Variants in SLC2A13 observed in about 807,000 individuals in gnomAD.
SLC2A13 encodes the protein proton myo-inositol cotransporter.
SLC2A13 carries 32 observed loss-of-function variants against 64.4 expected under a neutral mutation model. That is an observed-to-expected ratio of 0.50 (90% confidence interval 0.37 to 0.67). The LOEUF (loss-of-function observed/expected upper bound fraction) is 0.67, where lower values mean the gene tolerates loss of function less well. SLC2A13 is among the 30% of genes least tolerant of loss of function. SLC2A13 has a pLI of 0.00. For synonymous variants in SLC2A13, 338 were observed against 327.1 expected (o/e 1.03, Z -0.36); for missense variants, 743 against 829.2 (o/e 0.90, Z 1.28).
intron 3 of SLC2A13, among the ~76,000 whole-genome samples, chr12:40,006,664 A>G (rs529366610): frequency 2.6e-4 from 39 of 152,214 alleles, no homozygotes; most frequent in Admixed American, 6.5e-4. Flanking sequence ...GAAGGTCTCC[A>G]TATCAGAAGT....
At chr12:40,057,085 G>C (rs1948344228) in intron 1 of SLC2A13, among the ~76,000 whole-genome samples, 1 of 152,098 alleles carries the variant, frequency 6.6e-6, no homozygotes, top group Admixed American at 6.5e-5. Context: ...GAAATGAGTA[G>C]CATAAGGAAG....
intron 7 of SLC2A13, among the ~76,000 whole-genome samples, chr12:39,820,171 C>T (rs561545892): frequency 6.6e-6 from 1 of 152,114 alleles, no homozygotes; most frequent in South Asian, 2.1e-4. Context: ...GAAACATGTG[C>T]CTCTGAAATG....
chr12:39,962,595 C>G (rs1472928428), intron 3 of SLC2A13, among the ~76,000 whole-genome samples: 1 of 152,206 alleles, frequency 6.6e-6, no homozygotes, highest in African/African-American at 2.4e-5. Flanking sequence ...AAAGGACAGA[C>G]ACACTTGACT....
At chr12:39,901,843 T>C (rs1476553103) in intron 4 of SLC2A13, among the ~76,000 whole-genome samples, 21 of 148,516 alleles carry the variant, frequency 1.4e-4, no homozygotes, top group Non-Finnish European at 2.4e-4. Context: ...CATTACTGGG[T>C]ATATACCCAA....
intron 3 of SLC2A13, among the ~76,000 whole-genome samples, chr12:39,969,663 T>C (rs1946604406): frequency 6.6e-6 from 1 of 152,250 alleles, no homozygotes; most frequent in African/African-American, 2.4e-5. Context: ...TTTTTTCTTG[T>C]AAATTTGTTG....
At chr12:39,928,752 A>G (rs181961369) in intron 4 of SLC2A13, among the ~76,000 whole-genome samples, 1 of 152,302 alleles carries the variant, frequency 6.6e-6, no homozygotes. Flanking sequence ...TGGACAGTGG[A>G]AAGAGGATAG....
intron 4 of SLC2A13, among the ~76,000 whole-genome samples, chr12:39,877,289 T>A (rs113336743): frequency 2.6e-5 from 4 of 152,060 alleles, no homozygotes; most frequent in Non-Finnish European, 5.9e-5. Flanking sequence ...AGAGCAAAGG[T>A]ATGTCTTACA....
intron 7 of SLC2A13, among the ~76,000 whole-genome samples, chr12:39,778,826 A>C (rs751325687): frequency 3.3e-5 from 5 of 152,176 alleles, no homozygotes; most frequent in Non-Finnish European, 7.3e-5. Flanking sequence ...GCAACACAAA[A>C]CCATTTAGCA....
intron 3 of SLC2A13, among the ~76,000 whole-genome samples, chr12:39,980,552 C>G (rs1355683599): frequency 6.6e-6 from 1 of 151,500 alleles, no homozygotes. Flanking sequence ...GACTTTAAAC[C>G]AACAAAGATC....
Position 39,918,938 on chromosome 12 carries a change from G to GCA in SLC2A13, c.1034+32317_1034+32318dup, listed in dbSNP as rs567663354. On this transcript the variant is annotated intron_variant, in intron 4 of 9. Coordinates refer to ENST00000280871, the MANE Select transcript of SLC2A13 (RefSeq NM_052885.4). The stretch of plus-strand genomic sequence containing the variant: ...CTAGATCATTTCAGGTTATACACGC[G>GCA]CACACACACACACACACACGTGTGT... Among the ~76,000 whole-genome samples the GCA allele has an allele frequency of 2.2e-3, 326 of 149,820 alleles. 3 individuals are homozygous for GCA. The highest frequency in any genetic ancestry group is 0.019 in the South Asian group (88 of 4,750).
intron 6 of SLC2A13, among the ~76,000 whole-genome samples, chr12:39,861,764 A>G (rs1276843319): frequency 5.3e-5 from 8 of 152,212 alleles, no homozygotes; most frequent in Admixed American, 4.6e-4. Flanking sequence ...CTGGGACCCT[A>G]TGACAGCTTT....
At position 40,026,253 on chromosome 12, in the gene SLC2A13, T is replaced by C. The variant is rs979859346; in HGVS notation, c.925+2048A>G. On this transcript the variant is annotated intron_variant, in intron 3 of 9. Transcript: ENST00000280871. ...TATTAGTTCCAAAGTTTAGAATATT[T>C]ACTCAAGCATGAGCAAACGTTATTA... 4.6e-5 allele frequency among the ~76,000 whole-genome samples: 7 copies of C among 152,350 alleles called. No individual in the cohort carries two copies. The East Asian group carries it at 1.2e-3, about 25-fold the overall frequency.
intron 4 of SLC2A13, among the ~76,000 whole-genome samples, chr12:39,940,562 G>T (rs1565552510): frequency 6.6e-6 from 1 of 152,128 alleles, no homozygotes; most frequent in East Asian, 1.9e-4. Flanking sequence ...AGGAACTCTA[G>T]ATCAGGATAT....
intron 7 of SLC2A13, among the ~76,000 whole-genome samples, chr12:39,818,271 C>T (rs1942394789): frequency 6.7e-6 from 1 of 150,104 alleles, no homozygotes; most frequent in Non-Finnish European, 1.5e-5. Context: ...TCTGTGAAGT[C>T]ACAGGAAAAA....
chr12:39,966,162 G>A (rs1946510494), intron 3 of SLC2A13, among the ~76,000 whole-genome samples: 1 of 151,628 alleles, frequency 6.6e-6, no homozygotes, highest in Admixed American at 6.6e-5. Context: ...GGTGGGGTAT[G>A]TGTGTGTAGA....
intron 1 of SLC2A13, among the ~76,000 whole-genome samples, chr12:40,104,581 T>C (rs1420891933): frequency 6.6e-6 from 1 of 151,738 alleles, no homozygotes; most frequent in Non-Finnish European, 1.5e-5. Flanking sequence ...GGAGAATGGA[T>C]AAAAAAGGAT....
rs1450547426 is a variant in SLC2A13, at chr12:39,756,339, T to C, written c.*3687A>G. 1.3e-5 allele frequency: 2 copies of C among 151,938 alleles called. No homozygotes were observed. Among genetic ancestry groups the C allele is most frequent in the Non-Finnish European group, 3.0e-5 (2 of 67,774 alleles). 9.4% of individuals were successfully genotyped at this position (151,938 alleles called of 1,614,324 possible). On this transcript the variant is annotated 3_prime_UTR_variant, in exon 10 of 10. Coordinates refer to ENST00000280871, the MANE Select transcript of SLC2A13 (RefSeq NM_052885.4). ...TCATAGATACTGAAAAGGTCTTAATTTGGTAATTAAAAACTTGTCACAACA... is the reference window on the plus strand; with the variant it reads ...TCATAGATACTGAAAAGGTCTTAATCTGGTAATTAAAAACTTGTCACAACA...
At chr12:39,896,380 G>A (rs970675910) in intron 4 of SLC2A13, among the ~76,000 whole-genome samples, 5 of 134,424 alleles carry the variant, frequency 3.7e-5, no homozygotes, top group African/African-American at 6.1e-5. Flanking sequence ...ATACATATAT[G>A]TATGTATATG....
intron 7 of SLC2A13, among the ~76,000 whole-genome samples, chr12:39,790,082 T>C (rs1468064232): frequency 6.6e-6 from 1 of 151,128 alleles, no homozygotes; most frequent in Non-Finnish European, 1.5e-5. Context: ...TTTCAATATA[T>C]ATTCAATATA....
Sources: allele counts gnomAD v4.1 joint callset (sites outside exome capture counted in the v4.1 genomes callset), GRCh38; gene constraint gnomAD v4.1.1; transcripts MANE v1.5; gene names NCBI Gene and HGNC (gene_info 2026-07-23, HGNC 2026-07-21).